Variants in IL17RC observed in about 807,000 individuals in gnomAD.
The protein encoded by IL17RC is interleukin 17 receptor C, also known as interleukin-17 receptor C.
In IL17RC, 53 loss-of-function variants were observed where a neutral mutation model predicts 86.7. The observed-to-expected ratio is 0.61, with a 90% CI of 0.49 to 0.77. The LOEUF is 0.77. IL17RC is among the 30% of genes least tolerant of loss of function. The pLI is 0.00. For missense variants in IL17RC, 957 were observed against 940.0 expected, an observed-to-expected ratio of 1.02 and a Z score of -0.24; for synonymous variants, 439 against 413.1, an observed-to-expected ratio of 1.06 and a Z score of -0.76.
At chr3:9,928,810 T>C (rs1475965006) in intron 12 of IL17RC, among the ~76,000 whole-genome samples, 180 bp downstream of exon 12, 2 of 152,188 alleles carry the variant, frequency 1.3e-5, no homozygotes, top group Admixed American at 6.5e-5. Flanking sequence ...TCTCTGAACG[T>C]CAGTTTCCTC....
In IL17RC at chr3:9,928,588, C is replaced by T. The variant is rs530571717; in HGVS notation, c.1068C>T (p.Leu356=). The T allele has an allele frequency of 1.1e-4, 170 of 1,613,762 alleles. No individual in the cohort carries two copies. Among genetic ancestry groups the T allele is most frequent in the East Asian group, 2.9e-4 (13 of 44,874 alleles). The change falls in exon 12 of 19, where the codon CTC becomes CTT. Residue 356 remains leucine (L), a synonymous_variant. Transcript: ENST00000403601. ...TTCCTCTCTTTCCACAGAAGGTTCT[C>T]GAGTTCCCATTGCTGAAAGGCCACC... ...SWENVTVDKV[L]EFPLLKGHPN...
In IL17RC at chr3:9,932,968, G is replaced by C; in HGVS notation, c.1538G>C (p.Arg513Pro). ...TCTCCGGCAGCGGCCGCCAGGGGCC[G>C]CGCGGCTCTGCTCCTCTACTCAGCC... ...DVRSGAAARG[R>P]AALLLYSADD... is the part of the protein sequence containing the mutation. The change falls in exon 19 of 19, where the codon CGC becomes CCC. Residue 513 changes from arginine (R) to proline (P), a missense_variant. Physicochemically the swap from Arg to Pro is moderately radical, Grantham distance 103. Coordinates refer to ENST00000403601, the MANE Select transcript of IL17RC (RefSeq NM_153460.4). The C allele has an allele frequency of 1.9e-6, 3 of 1,605,294 alleles. No homozygotes were observed. The highest frequency in any genetic ancestry group is 2.5e-6 in the Non-Finnish European group (3 of 1,177,544).
rs369736579 is a variant in IL17RC at position 9,920,958 on chromosome 3, C to T, written c.611C>T (p.Pro204Leu). The change falls in exon 7 of 19, where the codon CCG becomes CTG. Residue 204 changes from proline (P) to leucine (L), a missense_variant. Transcript: ENST00000403601. ...CRGLEVWNSI[P>L]SCWALPWLNV... ...GGGCTCGAAGTCTGGAACAGCATCCCGAGCTGCTGGGGTAGGGGCTAGGGC... is the reference window on the plus strand; with the variant it reads ...GGGCTCGAAGTCTGGAACAGCATCCTGAGCTGCTGGGGTAGGGGCTAGGGC... The T allele has an allele frequency of 4.8e-5, 76 of 1,595,334 alleles. No individual in the cohort carries two copies. The highest frequency in any genetic ancestry group is 2.5e-4 in the East Asian group (11 of 44,556).
intron 9 of IL17RC, 139 bp downstream of exon 9, chr3:9,924,430 C>G: frequency 1.3e-6 from 1 of 769,742 alleles, no homozygotes; most frequent in Non-Finnish European, 2.2e-6. Flanking sequence ...GCTGGCCCTC[C>G]CTTGACCCTT....
chr3:9,933,217 G>T lies in IL17RC; in HGVS notation c.1787G>T (p.Gly596Val). 1 of 1,607,700 alleles carries T rather than the reference G, an allele frequency of 6.2e-7. No homozygotes were observed. Among genetic ancestry groups the T allele is most frequent in the Non-Finnish European group, 8.5e-7 (1 of 1,177,670 alleles). ...CTGTGCAGCGAGTGGCTACAGGATGGGGTGTCCGGGCCCGGGGCGCACGGC... is the reference window on the plus strand; with the variant it reads ...CTGTGCAGCGAGTGGCTACAGGATGTGGTGTCCGGGCCCGGGGCGCACGGC... Reference protein sequence around the residue: ...VALCSEWLQDGVSGPGAHGPH... With the variant: ...VALCSEWLQDVVSGPGAHGPH... The change falls in exon 19 of 19, where the codon GGG becomes GTG. Residue 596 changes from glycine (G) to valine (V), a missense_variant. Gly to Val is a moderately radical substitution (Grantham distance 109, BLOSUM62 -3). Coordinates refer to ENST00000403601, the MANE Select transcript of IL17RC (RefSeq NM_153460.4).
rs143781415 is a variant in IL17RC at position 9,928,190 on chromosome 3, G to A, written c.847G>A (p.Val283Ile). ...IQVWPLEPDS[V>I]RTNICPFRED... The stretch of plus-strand genomic sequence containing the variant: ...GGTGTGGCCTCTGGAACCTGACTCC[G>A]TTAGGACGAACATCTGCCCCTTCAG... The change falls in exon 10 of 19, where the codon GTT becomes ATT. Residue 283 changes from valine (V) to isoleucine (I), a missense_variant. Physicochemically the swap from Val to Ile is conservative, Grantham distance 29. Transcript: ENST00000403601. 3.5e-4 allele frequency: 561 copies of A among 1,614,100 alleles called. 1 individual carries two copies. Among genetic ancestry groups the A allele is most frequent in the East Asian group, 5.6e-4 (25 of 44,862 alleles).
At chr3:9,931,297 C>T (rs987719332) in intron 16 of IL17RC, among the ~76,000 whole-genome samples, 2 of 151,572 alleles carry the variant, frequency 1.3e-5, no homozygotes, top group Non-Finnish European at 1.5e-5. Context: ...GGGAAGGTTC[C>T]AGCAAAACTC....
intron 7 of IL17RC, among the ~76,000 whole-genome samples, chr3:9,922,224 T>A (rs1299057520): frequency 6.6e-6 from 1 of 152,216 alleles, no homozygotes; most frequent in Admixed American, 6.5e-5. Flanking sequence ...GTGCTGGGAT[T>A]ACAGGCATGA....
Position 9,923,922 on chromosome 3 carries a change from C to T in IL17RC, c.664C>T (p.His222Tyr), listed in dbSNP as rs866768846. 3.7e-6 allele frequency: 6 copies of T among 1,614,066 alleles called. No homozygotes were observed. In the South Asian group the frequency reaches 6.6e-5, roughly 18 times the overall value. ...LNVSADGDNV[H>Y]LVLNVSEEQH... ...CGTGTCAGCAGATGGTGACAACGTGCATCTGGTTCTGAATGTCTCTGAGGA... is the reference window on the plus strand; with the variant it reads ...CGTGTCAGCAGATGGTGACAACGTGTATCTGGTTCTGAATGTCTCTGAGGA... The change falls in exon 8 of 19, where the codon CAT becomes TAT. Residue 222 changes from histidine (H) to tyrosine (Y), a missense_variant. Physicochemically the swap from His to Tyr is moderately conservative, Grantham distance 83. Coordinates refer to ENST00000403601, the MANE Select transcript of IL17RC (RefSeq NM_153460.4).
intron 16 of IL17RC, among the ~76,000 whole-genome samples, chr3:9,931,245 T>G (rs2084626802): frequency 6.6e-6 from 1 of 151,434 alleles, no homozygotes; most frequent in African/African-American, 2.4e-5. Flanking sequence ...ATGCATACAA[T>G]GTGGACCTGA....
intron 9 of IL17RC, 94 bp from the exon 10 acceptor site, chr3:9,928,072 A>G: frequency 8.3e-7 from 1 of 1,206,722 alleles, no homozygotes; most frequent in Admixed American, 1.8e-5. Flanking sequence ...GTGTTTGTGA[A>G]ATACCTGCTG....
chr3:9,919,832 T>C (rs2083401801), intron 5 of IL17RC, among the ~76,000 whole-genome samples: 1 of 152,010 alleles, frequency 6.6e-6, no homozygotes, highest in African/African-American at 2.4e-5. Flanking sequence ...AAATGAGGCT[T>C]GGAGAGGGGA....
At chr3:9,924,383 C>T in intron 9 of IL17RC, 92 bp downstream of exon 9, 15 of 1,334,936 alleles carry the variant, frequency 1.1e-5, no homozygotes, top group South Asian at 2.5e-5. Context: ...ATTCTTCAAA[C>T]CCTTCATTGA....
At chr3:9,920,331 A>G in intron 5 of IL17RC, 160 bp from the exon 6 acceptor site, 1 of 578,784 alleles carries the variant, frequency 1.7e-6, no homozygotes, top group South Asian at 2.2e-5. Context: ...GGCCCCTTGA[A>G]AGAAAGGTGA....
At chr3:9,931,460 C>CAT (rs1187751352) in intron 16 of IL17RC, among the ~76,000 whole-genome samples, 4 of 10,522 alleles carry the variant, frequency 3.8e-4, no homozygotes, top group African/African-American at 5.0e-4. Flanking sequence ...ATTTCACACA[C>CAT]ACACACACAC....
At chr3:9,919,430 G>A (rs993175609) in intron 5 of IL17RC, among the ~76,000 whole-genome samples, 1 of 152,088 alleles carries the variant, frequency 6.6e-6, no homozygotes. Context: ...AGATCACGAA[G>A]TCAGGAGATT....
chr3:9,930,761 G>A lies in IL17RC; in HGVS notation c.1339-134G>A. 1 of 842,282 alleles carries A rather than the reference G, an allele frequency of 1.2e-6. No homozygotes were observed. The highest frequency in any genetic ancestry group is 1.4e-5 in the South Asian group (1 of 72,446). The allele number at this position is 842,282 out of a possible 1,614,324, so 52.2% of individuals were successfully genotyped here. ...AGTCAGTGGGCACAGCACAAAGGCAGAGCAGCTGCAGGAACCTTAGCCGGG... is the reference window on the plus strand; with the variant it reads ...AGTCAGTGGGCACAGCACAAAGGCAAAGCAGCTGCAGGAACCTTAGCCGGG... On this transcript the variant is annotated intron_variant, in intron 15 of 18. Coordinates refer to ENST00000403601, the MANE Select transcript of IL17RC (RefSeq NM_153460.4). This position sits in a 1 kb window ranked among gnomAD's most constrained non-coding sequence, Gnocchi z 5.8.
At position 9,928,378 on chromosome 3, in the gene IL17RC, C is replaced by T. The variant is rs151110374; in HGVS notation, c.951C>T (p.Asp317=). ...QLLTLQSWLL[D]APCSLPAEAA... ...TGACCCTGCAGAGCTGGCTGCTGGA[C>T]GCACCGTGCTCGCTGCCCGCAGAAG... Residue 317 remains aspartate (D), a synonymous_variant, in exon 11 of 19, where the codon GAC becomes GAT. Coordinates refer to ENST00000403601, the MANE Select transcript of IL17RC (RefSeq NM_153460.4). 1,875 of 1,604,812 alleles carry T rather than the reference C, an allele frequency of 1.2e-3. 16 individuals are homozygous for T. The South Asian group carries it at 0.015, about 13-fold the overall frequency.
intron 9 of IL17RC, among the ~76,000 whole-genome samples, chr3:9,927,236 G>A (rs1374500534): frequency 0.026 from 2 of 76 alleles, no homozygotes; most frequent in African/African-American, 0.05. Flanking sequence ...CATAGCAGGT[G>A]CTTACACAAG....
Sources: gnomAD v4.1 joint callset for allele counts (sites outside exome capture counted in the v4.1 genomes callset) on GRCh38, gnomAD v4.1.1 for gene constraint, Gnocchi (gnomAD v3.1) non-coding constraint, MANE v1.5 for transcripts, NCBI Gene and HGNC (gene_info 2026-07-23, HGNC 2026-07-21) for gene names.